The following CNTN1 variants were observed in gnomAD, a reference collection of about 807,000 sequenced individuals.
The protein encoded by CNTN1 is contactin 1.
A neutral mutation model predicts 126.4 loss-of-function variants in CNTN1; 38 were observed. That is an observed-to-expected ratio of 0.30 (90% CI 0.23 to 0.39). CNTN1 has a LOEUF of 0.39. Ranked by LOEUF, CNTN1 falls within the 10% of genes least tolerant of loss-of-function variation. The pLI is 1.00. For missense variants in CNTN1, 1,009 were observed against 1,248.4 expected, an observed-to-expected ratio of 0.81 and a Z score of 2.89; for synonymous variants, 413 against 422.6, an observed-to-expected ratio of 0.98 and a Z score of 0.28.
chr12:40,730,140 T>C (rs1360685468), intron 1 of CNTN1, among the ~76,000 whole-genome samples: 2 of 152,186 alleles, frequency 1.3e-5, no homozygotes, highest in South Asian at 4.1e-4. Flanking sequence ...TAAATCTTTC[T>C]ACACACCCAT....
chr12:40,856,909 G>T (rs1436990716), intron 1 of CNTN1, among the ~76,000 whole-genome samples: 1 of 151,028 alleles, frequency 6.6e-6, no homozygotes, highest in Non-Finnish European at 1.5e-5. Flanking sequence ...ACATTCAGGA[G>T]ACAAAGTTCT....
intron 23 of CNTN1, among the ~76,000 whole-genome samples, chr12:41,049,243 T>G (rs929736218): frequency 2.6e-5 from 4 of 152,224 alleles, no homozygotes; most frequent in African/African-American, 9.6e-5. Flanking sequence ...GGTAATCTCA[T>G]GCAGTCTCGA....
At chr12:40,711,269 C>A (rs2121164544) in intron 1 of CNTN1, among the ~76,000 whole-genome samples, 1 of 152,246 alleles carries the variant, frequency 6.6e-6, no homozygotes, top group East Asian at 1.9e-4. Flanking sequence ...TTATGTTTCT[C>A]TACTAACTTT....
intron 23 of CNTN1, among the ~76,000 whole-genome samples, chr12:41,062,706 T>C (rs895512337): frequency 6.6e-6 from 1 of 152,240 alleles, no homozygotes; most frequent in African/African-American, 2.4e-5. Flanking sequence ...TAAATGGGAC[T>C]GCATGAATTT....
chr12:40,979,655 T>C (rs1431899257), intron 15 of CNTN1, among the ~76,000 whole-genome samples: 1 of 152,140 alleles, frequency 6.6e-6, no homozygotes, highest in African/African-American at 2.4e-5. Context: ...GAGCTGTCTA[T>C]TAACTGAGAG....
intron 1 of CNTN1, among the ~76,000 whole-genome samples, chr12:40,887,907 C>A (rs146920877): frequency 6.6e-6 from 1 of 150,914 alleles, no homozygotes; most frequent in Non-Finnish European, 1.5e-5. Flanking sequence ...AGCAAACTAT[C>A]GCAAGGACAA....
chr12:40,911,185 A>G (rs1483571069), intron 3 of CNTN1, among the ~76,000 whole-genome samples: 2 of 152,082 alleles, frequency 1.3e-5, no homozygotes, highest in Non-Finnish European at 2.9e-5. Context: ...GATTCACGCC[A>G]TTCTCCTGCC....
At chr12:41,022,956 A>G (rs925694911) in intron 20 of CNTN1, among the ~76,000 whole-genome samples, 2 of 152,150 alleles carry the variant, frequency 1.3e-5, no homozygotes, top group Non-Finnish European at 2.9e-5. Context: ...ACAAGCACGA[A>G]CACTTAAAAG....
chr12:40,882,741 A>G (rs1168377402), intron 1 of CNTN1, among the ~76,000 whole-genome samples: 2 of 151,762 alleles, frequency 1.3e-5, no homozygotes, highest in South Asian at 2.1e-4. Flanking sequence ...ATGAGTATCA[A>G]TATTCATGCA....
At chr12:40,911,662 GGCA>G (rs1945042838) in intron 3 of CNTN1, among the ~76,000 whole-genome samples, 1 of 152,156 alleles carries the variant, frequency 6.6e-6, no homozygotes, top group Non-Finnish European at 1.5e-5. Flanking sequence ...TTAACCGGCT[GGCA>G]GCAGTGCTGC....
chr12:40,736,672 T>C (rs1397737005), intron 1 of CNTN1, among the ~76,000 whole-genome samples: 2 of 152,052 alleles, frequency 1.3e-5, no homozygotes, highest in Non-Finnish European at 2.9e-5. Context: ...TGATAAAGAA[T>C]GAAAATAAAT....
At chr12:41,057,006 AGATATTTATAAAT>A (rs1415614619) in intron 23 of CNTN1, among the ~76,000 whole-genome samples, 1,652 of 79,014 alleles carry the variant, frequency 0.021, 356 homozygotes, top group African/African-American at 0.11. Context: ...ATAAATATTT[AGATATTTATAAAT>A]GATATTTATA....
At chr12:41,014,528 C>T (rs1948736907) in intron 18 of CNTN1, among the ~76,000 whole-genome samples, 1 of 152,134 alleles carries the variant, frequency 6.6e-6, no homozygotes, top group Non-Finnish European at 1.5e-5. Flanking sequence ...ATCTGTTAGC[C>T]TAGATGATTA....
chr12:41,070,029 A>C lies in CNTN1; in HGVS notation c.3051A>C (p.Glu1017Asp). The C allele has an allele frequency of 6.2e-7, 1 of 1,613,890 alleles. No homozygotes were observed. Among genetic ancestry groups the C allele is most frequent in the Non-Finnish European group, 8.5e-7 (1 of 1,179,876 alleles). ...CCTTTGGCATCCTTGTCTACTTGGA[A>C]TTCTGAATGTGTTGTGACAGCTGCT... is the stretch of plus-strand genomic sequence containing the variant. Reference protein sequence around the residue: ...LPAFGILVYLEF With the variant: ...LPAFGILVYLDF The change falls in exon 24 of 24, where the codon GAA becomes GAC. Residue 1017 changes from glutamate (E) to aspartate (D), a missense_variant. Coordinates refer to ENST00000551295, the MANE Select transcript of CNTN1 (RefSeq NM_001843.4).
At chr12:40,742,957 T>C (rs906579426) in intron 1 of CNTN1, among the ~76,000 whole-genome samples, 2 of 152,112 alleles carry the variant, frequency 1.3e-5, no homozygotes, top group Non-Finnish European at 2.9e-5. Flanking sequence ...GAATAGCCAG[T>C]AATTAAATTC....
chr12:41,029,126 G>T lies in CNTN1; in HGVS notation c.2887G>T (p.Glu963Ter). 3.1e-6 allele frequency: 5 copies of T among 1,614,058 alleles called. No individual in the cohort carries two copies. Among genetic ancestry groups the T allele is most frequent in the Non-Finnish European group, 4.2e-6 (5 of 1,179,972 alleles). Residue 963 changes from glutamate (E) to a stop codon, truncating the protein, a stop_gained, in exon 23 of 24, where the codon GAA becomes TAA. Coordinates refer to ENST00000551295, the MANE Select transcript of CNTN1 (RefSeq NM_001843.4). LOFTEE classifies it high-confidence loss of function. ...KLYSTHKHSI[E>*]VPIPRDGEYV... The stretch of plus-strand genomic sequence containing the variant: ...GTATTCAACTCACAAACACTCCATA[G>T]AAGTCCCAATCCCCAGAGATGGAGA...
chr12:40,802,701 A>G (rs1940702769), intron 1 of CNTN1, among the ~76,000 whole-genome samples: 1 of 152,048 alleles, frequency 6.6e-6, no homozygotes, highest in East Asian at 1.9e-4. Flanking sequence ...GATGAACAAA[A>G]AAAGCAGTGG....
chr12:40,981,828 A>G (rs1947829432), intron 16 of CNTN1, among the ~76,000 whole-genome samples: 1 of 152,064 alleles, frequency 6.6e-6, no homozygotes. Context: ...TGTCATTGCC[A>G]GAATTCTTTA....
intron 3 of CNTN1, among the ~76,000 whole-genome samples, chr12:40,911,343 G>A (rs1945025212): frequency 6.6e-6 from 1 of 152,146 alleles, no homozygotes; most frequent in Admixed American, 6.5e-5. Flanking sequence ...GCCTCCCAAA[G>A]AGCTAGGATT....
Sources: allele counts gnomAD v4.1 joint callset (sites outside exome capture counted in the v4.1 genomes callset), GRCh38; gene constraint gnomAD v4.1.1; transcripts MANE v1.5; gene names NCBI Gene and HGNC (gene_info 2026-07-23, HGNC 2026-07-21).